Variants in TTC7B observed in about 807,000 individuals in gnomAD.
TTC7B encodes the protein tetratricopeptide repeat domain 7B.
TTC7B carries 28 observed loss-of-function variants against 106.8 expected under a neutral mutation model. That is an observed-to-expected ratio of 0.26 (90% CI 0.19 to 0.36). TTC7B has a LOEUF of 0.36. TTC7B is among the 10% of genes least tolerant of loss of function. TTC7B has a pLI of 1.00. For missense variants in TTC7B, 862 were observed against 1,076.4 expected (o/e 0.80, Z 2.79); for synonymous variants, 405 against 430.6 (o/e 0.94, Z 0.74).
rs764537916 is a variant in TTC7B, at chr14:90,600,555, C to T, written c.1967-6929G>A. On this transcript the variant is annotated intron_variant, in intron 17 of 19. Transcript: ENST00000328459. The surrounding 1 kb of genome is among the most constrained non-coding windows in gnomAD (Gnocchi z 4.3). ...GCCCCAAGACGGGATCAGTTTCCCA[C>T]TGACTTTAACATAATATCAAGCACC... 6.6e-6 allele frequency among the ~76,000 whole-genome samples: 1 copy of T among 152,194 alleles called. No individual in the cohort carries two copies. Among genetic ancestry groups the T allele is most frequent in the Non-Finnish European group, 1.5e-5 (1 of 68,032 alleles).
At chr14:90,623,160 A>G (rs1460708599) in intron 15 of TTC7B, among the ~76,000 whole-genome samples, 1 of 152,226 alleles carries the variant, frequency 6.6e-6, no homozygotes, top group Non-Finnish European at 1.5e-5. Context: ...ACATAATTAT[A>G]AAAAACACGA....
intron 6 of TTC7B, among the ~76,000 whole-genome samples, chr14:90,690,668 C>A (rs1415547576): frequency 6.6e-6 from 1 of 152,150 alleles, no homozygotes; most frequent in Non-Finnish European, 1.5e-5. Context: ...CCATGATCAG[C>A]CAGAGGTGGC....
intron 14 of TTC7B, chr14:90,645,057 G>A (rs1051915124): frequency 4.6e-5 from 7 of 152,148 alleles, no homozygotes; most frequent in East Asian, 3.8e-4. Context: ...ATTAGAACCC[G>A]AAGCTAGATT....
chr14:90,725,334 C>T (rs977643417), intron 5 of TTC7B, among the ~76,000 whole-genome samples: 2 of 152,172 alleles, frequency 1.3e-5, no homozygotes, highest in Admixed American at 1.3e-4. Flanking sequence ...GATGTGGGAG[C>T]CTGTCTGCTG....
chr14:90,535,673 CCCTTGAGCCCACTCCAACCTG>C lies in TTC7B; in HGVS notation c.*5674_*5694del, dbSNP rs1313653722. 6.6e-6 allele frequency: 1 copy of C among 152,422 alleles called. No individual in the cohort carries two copies. Among genetic ancestry groups the C allele is most frequent in the African/African-American group, 2.4e-5 (1 of 41,468 alleles). The allele number at this position is 152,422 out of a possible 1,614,324, so 9.4% of individuals were successfully genotyped here. A position where few individuals can be genotyped will look rare whatever the true frequency, so the allele number is the denominator to read the frequency against. ...TGAAAGAGACTTCACCTTTTCCTCC[CCCTTGAGCCCACTCCAACCTG>C]GCTTGACCCCACCTTAGTCAGCTTG... On this transcript the variant is annotated 3_prime_UTR_variant, in exon 20 of 20. Coordinates refer to ENST00000328459, the MANE Select transcript of TTC7B (RefSeq NM_001010854.2).
At chr14:90,544,052 G>A (rs1223215766) in intron 19 of TTC7B, among the ~76,000 whole-genome samples, 1 of 152,228 alleles carries the variant, frequency 6.6e-6, no homozygotes, top group African/African-American at 2.4e-5. Flanking sequence ...GAGACCCATG[G>A]CCGAGGGCAG....
At position 90,730,176 on chromosome 14, in the gene TTC7B, T is replaced by G; in HGVS notation, c.597A>C (p.Gln199His). The G allele has an allele frequency of 6.2e-7, 1 of 1,605,770 alleles. No homozygotes were observed. The part of the protein sequence containing the change: ...EIERVILSNI[Q>H]NRSPKPGPAP... ...CAGGGCCAGGCTTAGGGCTTCTGTT[T>G]TGAATATTAGAAAGTATTACCTAGA... The change falls in exon 5 of 20, where the codon CAA becomes CAC. Residue 199 changes from glutamine (Q) to histidine (H), a missense_variant. By Grantham distance (24) the Gln-to-His change is conservative. Transcript: ENST00000328459.
Position 90,578,198 on chromosome 14 carries a change from C to T in TTC7B, c.2218G>A (p.Ala740Thr). The T allele has an allele frequency of 1.9e-6, 3 of 1,614,154 alleles. No homozygotes were observed. Among genetic ancestry groups the T allele is most frequent in the Non-Finnish European group, 2.5e-6 (3 of 1,180,022 alleles). ...TCGTCCATGCTTCCCCGGAGCTCAG[C>T]AATCTGGCCGCGCATGTAGAGGACA... ...HNVLYMRGQI[A>T]ELRGSMDEAR... The change falls in exon 19 of 20, where the codon GCT becomes ACT. Residue 740 changes from alanine to threonine, a missense_variant. Physicochemically the swap from Ala to Thr is moderately conservative, Grantham distance 58. Coordinates refer to ENST00000328459, the MANE Select transcript of TTC7B (RefSeq NM_001010854.2). The surrounding 1 kb of genome is among the most constrained non-coding windows in gnomAD (Gnocchi z 4.7).
intron 5 of TTC7B, among the ~76,000 whole-genome samples, chr14:90,711,727 C>T (rs1191838699): frequency 6.6e-6 from 1 of 152,068 alleles, no homozygotes; most frequent in Non-Finnish European, 1.5e-5. Flanking sequence ...CAGCTGAAAA[C>T]AGAAAATTTT....
rs138395335 is a variant in TTC7B, at chr14:90,547,353, G to A, written c.2311-5764C>T. On this transcript the variant is annotated intron_variant, in intron 19 of 19. Transcript: ENST00000328459. ...CTTTTGCCTTTAATTGCTGCCCAGGGGCTAAACACCTTGCCAGACCTCAAG... is the reference window on the plus strand; with the variant it reads ...CTTTTGCCTTTAATTGCTGCCCAGGAGCTAAACACCTTGCCAGACCTCAAG... Among the ~76,000 whole-genome samples, 679 of 152,306 alleles carry A rather than the reference G, an allele frequency of 4.5e-3. 9 individuals are homozygous for A. Among genetic ancestry groups the A allele is most frequent in the African/African-American group, 0.016 (659 of 41,560 alleles).
At chr14:90,690,907 A>T (rs975580326) in intron 6 of TTC7B, among the ~76,000 whole-genome samples, 1 of 152,160 alleles carries the variant, frequency 6.6e-6, no homozygotes, top group Non-Finnish European at 1.5e-5. Flanking sequence ...GTAAAGGCAA[A>T]TTTTCTTGAT....
At chr14:90,702,780 C>G (rs1888045549) in intron 5 of TTC7B, among the ~76,000 whole-genome samples, 1 of 152,188 alleles carries the variant, frequency 6.6e-6, no homozygotes, top group Admixed American at 6.5e-5. Context: ...AAAACTTTCT[C>G]TGGGGCCTTG....
Position 90,577,594 on chromosome 14 carries a change from C to G in TTC7B, c.2310+512G>C, listed in dbSNP as rs1891309814. On this transcript the variant is annotated intron_variant, in intron 19 of 19. Transcript: ENST00000328459. The surrounding 1 kb of genome is among the most constrained non-coding windows in gnomAD (Gnocchi z 5.0). ...CTCCCACCTCTCAGGGCAACATGGCCAGACACCCCCGCTGGTAGGATGCTC... is the reference window on the plus strand; with the variant it reads ...CTCCCACCTCTCAGGGCAACATGGCGAGACACCCCCGCTGGTAGGATGCTC... Among the ~76,000 whole-genome samples the G allele has an allele frequency of 6.6e-6, 1 of 152,186 alleles. No homozygotes were observed. Among genetic ancestry groups the G allele is most frequent in the African/African-American group, 2.4e-5 (1 of 41,454 alleles).
chr14:90,567,983 C>T (rs143245158), intron 19 of TTC7B, among the ~76,000 whole-genome samples: 4 of 152,302 alleles, frequency 2.6e-5, no homozygotes, highest in South Asian at 2.1e-4. Context: ...GGGGTTGACA[C>T]GGCCCAAAGA....
chr14:90,658,480 A>G, intron 9 of TTC7B, 93 bp from the exon 10 acceptor site: 2 of 1,220,110 alleles, frequency 1.6e-6, no homozygotes, highest in African/African-American at 3.0e-5. Context: ...CACTAAGGTA[A>G]GTCCCATAAA....
At chr14:90,614,865 G>A (rs1170539082) in intron 16 of TTC7B, among the ~76,000 whole-genome samples, 1 of 152,136 alleles carries the variant, frequency 6.6e-6, no homozygotes, top group Non-Finnish European at 1.5e-5. Flanking sequence ...GAGCCTGCTG[G>A]GACCTTCTGG....
chr14:90,674,562 A>G (rs1393965024), intron 9 of TTC7B, among the ~76,000 whole-genome samples: 1 of 152,222 alleles, frequency 6.6e-6, no homozygotes, highest in Non-Finnish European at 1.5e-5. Context: ...TGGCAGCTCC[A>G]GGCTGGGGGC....
At chr14:90,747,902 CTACA>C (rs1890019392) in intron 3 of TTC7B, among the ~76,000 whole-genome samples, 2 of 152,204 alleles carry the variant, frequency 1.3e-5, no homozygotes, top group Non-Finnish European at 2.9e-5. Context: ...AATATAGATA[CTACA>C]GCCTTGAATT....
At chr14:90,799,366 A>G (rs1228324231) in intron 1 of TTC7B, among the ~76,000 whole-genome samples, 1 of 152,200 alleles carries the variant, frequency 6.6e-6, no homozygotes, top group Admixed American at 6.5e-5. Flanking sequence ...ACTTACAGCT[A>G]TGAACAGGAC....
Sources: allele counts gnomAD v4.1 joint callset (sites outside exome capture counted in the v4.1 genomes callset), GRCh38; gene constraint gnomAD v4.1.1; non-coding constraint Gnocchi (gnomAD v3.1); transcripts MANE v1.5; gene names NCBI Gene and HGNC (gene_info 2026-07-23, HGNC 2026-07-21).